LTBP1: variants seen among roughly 807,000 people sequenced by gnomAD.
The protein encoded by LTBP1 is latent-transforming growth factor beta-binding protein 1.
LTBP1 carries 129 observed loss-of-function variants against 207.6 expected under a neutral mutation model. The observed-to-expected ratio is 0.62, with a 90% confidence interval of 0.54 to 0.72. The LOEUF (loss-of-function observed/expected upper bound fraction) is 0.72, where lower values mean the gene tolerates loss of function less well. Among genes scored for constraint, LTBP1 ranks in the 30% least tolerant of loss-of-function variants. The probability of loss-of-function intolerance (pLI) is 0.00; values close to 1 mark genes in which losing one functional copy is unlikely to be tolerated. For synonymous variants in LTBP1, 963 were observed against 833.7 expected (o/e 1.16, Z -2.67); for missense variants, 2,281 against 2,217.2 (o/e 1.03, Z -0.58).
At chr2:33,053,449 C>T (rs1205212332) in intron 3 of LTBP1, among the ~76,000 whole-genome samples, 1 of 152,038 alleles carries the variant, frequency 6.6e-6, no homozygotes. Context: ...ATTATAGTAT[C>T]ATAATGAGTA....
intron 2 of LTBP1, among the ~76,000 whole-genome samples, chr2:32,981,741 T>G (rs941603659): frequency 2.6e-5 from 4 of 152,168 alleles, no homozygotes; most frequent in Non-Finnish European, 4.4e-5. Context: ...GTTTTTCCTG[T>G]GCTGTTCTCA....
chr2:33,364,365 C>G lies in LTBP1; in HGVS notation c.4540+9C>G. The G allele has an allele frequency of 6.2e-7, 1 of 1,608,328 alleles. No individual in the cohort carries two copies. Among genetic ancestry groups the G allele is most frequent in the Non-Finnish European group, 8.5e-7 (1 of 1,178,368 alleles). ...ACCGGCTGAGTCAAACGGTATGTTT[C>G]CAGGAGATGCAAACCTGTGTCCAAA... On this transcript the variant is annotated intron_variant, in intron 30 of 33. Coordinates refer to ENST00000404816, the MANE Select transcript of LTBP1 (RefSeq NM_206943.4).
chr2:33,229,731 C>A (rs1469271292), intron 9 of LTBP1, among the ~76,000 whole-genome samples: 1 of 152,088 alleles, frequency 6.6e-6, no homozygotes, highest in East Asian at 1.9e-4. Flanking sequence ...CCTTAGCAAA[C>A]TTTGTTCATA....
intron 3 of LTBP1, among the ~76,000 whole-genome samples, chr2:33,033,440 A>G (rs1464300713): frequency 6.6e-6 from 1 of 152,132 alleles, no homozygotes; most frequent in Non-Finnish European, 1.5e-5. Flanking sequence ...AGGAAGATCT[A>G]ACTAAACTTT....
chr2:33,385,284 A>G lies in LTBP1; in HGVS notation c.4712-3900A>G, dbSNP rs536329326. ...AAATAGTCTTGAAACAAGATTTAAA[A>G]ACACCTGTGGACCGTTCTTCCATTG... On this transcript the variant is annotated intron_variant, in intron 31 of 33. Transcript: ENST00000404816. 2.0e-5 allele frequency among the ~76,000 whole-genome samples: 3 copies of G among 152,328 alleles called. No individual in the cohort carries two copies. The East Asian group carries it at 5.8e-4, about 29-fold the overall frequency.
Position 33,217,546 on chromosome 2 carries a change from T to C in LTBP1, c.1702-6T>C, listed in dbSNP as rs1029650882. 4 of 1,605,696 alleles carry C rather than the reference T, an allele frequency of 2.5e-6. No individual in the cohort carries two copies. Among genetic ancestry groups the C allele is most frequent in the Non-Finnish European group, 2.6e-6 (3 of 1,172,462 alleles). On this transcript the variant is annotated splice_polypyrimidine_tract_variant and splice_region_variant and intron_variant, in intron 7 of 33. Transcript: ENST00000404816. The stretch of plus-strand genomic sequence containing the variant: ...AACCTTCATATTTCACACCTAATCA[T>C]TGCAGTGTGGCAAAGCGCTCCCTGG...
At chr2:33,389,439 C>A (rs3731573) in intron 32 of LTBP1, 133 bp downstream of exon 32, 61,909 of 1,240,804 alleles carry the variant, frequency 0.05, 1,741 homozygotes, top group African/African-American at 0.059. Context: ...GTCAGAAAGT[C>A]TAGGGTGGGA....
At chr2:33,209,377 C>G (rs1238324341) in intron 7 of LTBP1, among the ~76,000 whole-genome samples, 1 of 152,132 alleles carries the variant, frequency 6.6e-6, no homozygotes, top group African/African-American at 2.4e-5. Flanking sequence ...ATTGCTGTTG[C>G]TTCATGGTCT....
chr2:33,303,410 C>A (rs564161984), intron 22 of LTBP1, among the ~76,000 whole-genome samples: 154 of 148,468 alleles, frequency 1.0e-3, no homozygotes, highest in African/African-American at 3.7e-3. Context: ...AGGGCAGTGG[C>A]ACGATCTCAG....
intron 31 of LTBP1, among the ~76,000 whole-genome samples, chr2:33,366,389 T>A (rs1574034347): frequency 6.6e-6 from 1 of 152,374 alleles, no homozygotes; most frequent in East Asian, 1.9e-4. Flanking sequence ...CATTAATTTT[T>A]AGTTAATTCA....
intron 4 of LTBP1, among the ~76,000 whole-genome samples, chr2:33,120,262 C>T (rs2081027832): frequency 6.6e-6 from 1 of 150,582 alleles, no homozygotes; most frequent in Non-Finnish European, 1.5e-5. Context: ...CACGGGGTTT[C>T]GTTGTACAGA....
chr2:33,011,831 T>C (rs1017044651), intron 2 of LTBP1, among the ~76,000 whole-genome samples: 1 of 152,104 alleles, frequency 6.6e-6, no homozygotes, highest in Non-Finnish European at 1.5e-5. Flanking sequence ...CCTGATCGCT[T>C]ATGAAACATA....
chr2:33,306,606 C>A (rs2094100250), intron 22 of LTBP1, among the ~76,000 whole-genome samples: 1 of 151,828 alleles, frequency 6.6e-6, no homozygotes, highest in Admixed American at 6.6e-5. Flanking sequence ...AACAGAGCAA[C>A]ATGCTTCCAT....
chr2:33,290,059 G>C (rs1417405593), intron 19 of LTBP1, among the ~76,000 whole-genome samples: 1 of 152,202 alleles, frequency 6.6e-6, no homozygotes, highest in Non-Finnish European at 1.5e-5. Flanking sequence ...AGAGCCTTGT[G>C]CTGCGTCTTA....
At chr2:33,271,402 A>C (rs1211877966) in intron 15 of LTBP1, among the ~76,000 whole-genome samples, 3 of 152,154 alleles carry the variant, frequency 2.0e-5, no homozygotes, top group African/African-American at 7.2e-5. Context: ...AAACCCAAGA[A>C]ATCTAAACAC....
chr2:33,048,483 C>T (rs2076557174), intron 3 of LTBP1, among the ~76,000 whole-genome samples: 1 of 152,186 alleles, frequency 6.6e-6, no homozygotes, highest in Non-Finnish European at 1.5e-5. Flanking sequence ...TTGCTTTCCA[C>T]AGCAAAGTAC....
chr2:33,242,068 G>A (rs954807077), intron 9 of LTBP1, among the ~76,000 whole-genome samples: 7 of 152,098 alleles, frequency 4.6e-5, no homozygotes, highest in Admixed American at 2.0e-4. Context: ...TGAATGTCAC[G>A]GAAGGTATCA....
chr2:32,949,600 T>C (rs575949950), intron 2 of LTBP1, among the ~76,000 whole-genome samples: 1 of 152,358 alleles, frequency 6.6e-6, no homozygotes, highest in South Asian at 2.1e-4. Flanking sequence ...ATTGTGAAAT[T>C]AAAGATCAGA....
At chr2:33,178,836 G>C (rs1329631033) in intron 5 of LTBP1, among the ~76,000 whole-genome samples, 1 of 152,130 alleles carries the variant, frequency 6.6e-6, no homozygotes, top group African/African-American at 2.4e-5. Flanking sequence ...AATGATGTCT[G>C]TCCACCCCCA....
Sources: gnomAD v4.1 joint callset for allele counts (sites outside exome capture counted in the v4.1 genomes callset) on GRCh38, gnomAD v4.1.1 for gene constraint, MANE v1.5 for transcripts, NCBI Gene and HGNC (gene_info 2026-07-23, HGNC 2026-07-21) for gene names.